Variants in CELF2 observed in about 807,000 individuals in gnomAD.
CELF2 encodes the protein CUGBP Elav-like family member 2, also known as CUG triplet repeat RNA-binding protein 2.
Under a neutral mutation model 62.6 loss-of-function variants are expected in CELF2, and 8 were observed. That is an observed-to-expected ratio of 0.13 (90% CI 0.07 to 0.23). CELF2 has a LOEUF of 0.23. Ranked by LOEUF, CELF2 falls within the 10% of genes least tolerant of loss-of-function variation. The probability of loss-of-function intolerance (pLI) is 1.00; values close to 1 mark genes in which losing one functional copy is unlikely to be tolerated. For missense variants in CELF2, 333 were observed against 671.0 expected (o/e 0.50, Z 5.56); for synonymous variants, 258 against 250.0 (o/e 1.03, Z -0.30).
the CELF2 span, among the ~76,000 whole-genome samples, chr10:10,656,125 C>T: frequency 6.9e-6 from 1 of 145,652 alleles, no homozygotes; most frequent in Admixed American, 6.8e-5. Flanking sequence ...AAAAAATGCT[C>T]ATCATCACTG....
the CELF2 span, among the ~76,000 whole-genome samples, chr10:10,521,320 G>A: frequency 7.9e-5 from 12 of 152,270 alleles, no homozygotes; most frequent in African/African-American, 2.2e-4. Flanking sequence ...CAGTAAATAT[G>A]TCAGGCACTT....
the CELF2 span, among the ~76,000 whole-genome samples, chr10:10,518,717 ATTTTT>A: frequency 1.5e-3 from 220 of 145,988 alleles, 1 homozygote; most frequent in East Asian, 0.018. Flanking sequence ...CCACAAAATG[ATTTTT>A]TTTTAAAAAA....
In CELF2 at chr10:11,255,937, C is replaced by T. The variant is rs1374219992; in HGVS notation, c.404-1801C>T. Among the ~76,000 whole-genome samples, 2 of 152,198 alleles carry T rather than the reference C, an allele frequency of 1.3e-5. No individual in the cohort carries two copies. Among genetic ancestry groups the T allele is most frequent in the East Asian group, 3.9e-4 (2 of 5,188 alleles). On this transcript the variant is annotated intron_variant, in intron 4 of 12. Transcript: ENST00000633077. The surrounding 1 kb of genome is among the most constrained non-coding windows in gnomAD (Gnocchi z 5.5). ...TCTCCTCCTCTGAACTTGGAGGAGA[C>T]ACAGCAGGGGAAGGAATCCTTGGCT...
chr10:10,862,177 G>A (rs2133140243), intron 1 of CELF2, among the ~76,000 whole-genome samples: 1 of 152,254 alleles, frequency 6.6e-6, no homozygotes, highest in African/African-American at 2.4e-5. Flanking sequence ...ATGTGTCTTG[G>A]TTACTGGCTG....
intron 1 of CELF2, among the ~76,000 whole-genome samples, chr10:11,084,868 T>C (rs1431878253): frequency 6.6e-6 from 1 of 152,184 alleles, no homozygotes; most frequent in African/African-American, 2.4e-5. Context: ...GCTAAGGTCA[T>C]CAGTATATAC....
At chr10:11,201,839 G>A (rs186952928) in intron 2 of CELF2, among the ~76,000 whole-genome samples, 1 of 152,294 alleles carries the variant, frequency 6.6e-6, no homozygotes, top group Admixed American at 6.5e-5. Flanking sequence ...ATCATCTTCA[G>A]GAACATTTGG....
At chr10:10,900,717 G>A (rs1445679592) in intron 1 of CELF2, among the ~76,000 whole-genome samples, 4 of 151,862 alleles carry the variant, frequency 2.6e-5, no homozygotes, top group Non-Finnish European at 5.9e-5. Context: ...TAGCCAGCGC[G>A]GTCAGAAAGA....
Position 11,217,582 on chromosome 10 carries a change from T to C in CELF2, c.354+75T>C. 8.6e-7 allele frequency: 1 copy of C among 1,158,766 alleles called. No individual in the cohort carries two copies. The highest frequency in any genetic ancestry group is 1.3e-6 in the Non-Finnish European group (1 of 786,168). 71.8% of individuals were successfully genotyped at this position (1,158,766 alleles called of 1,614,324 possible). ...TCCTTTCAACTGAAGGTTCTAGTTATGGGCTCTTAGTGCCAAAAATGACTT... is the reference window on the plus strand; with the variant it reads ...TCCTTTCAACTGAAGGTTCTAGTTACGGGCTCTTAGTGCCAAAAATGACTT... On this transcript the variant is annotated intron_variant, in intron 3 of 12. Coordinates refer to ENST00000633077, the MANE Select transcript of CELF2 (RefSeq NM_001326342.2). This position sits in a 1 kb window ranked among gnomAD's most constrained non-coding sequence, Gnocchi z 5.6.
chr10:10,772,426 A>G, the CELF2 span, among the ~76,000 whole-genome samples: 1 of 152,250 alleles, frequency 6.6e-6, no homozygotes, highest in Non-Finnish European at 1.5e-5. Flanking sequence ...AATGTTTAAA[A>G]TTACATGAAG....
At chr10:10,735,015 A>C in the CELF2 span, among the ~76,000 whole-genome samples, 1 of 152,192 alleles carries the variant, frequency 6.6e-6, no homozygotes, top group Non-Finnish European at 1.5e-5. Context: ...TTTTCCTGCC[A>C]GTTGTTAGGG....
the CELF2 span, among the ~76,000 whole-genome samples, chr10:10,653,912 C>T: frequency 6.6e-6 from 1 of 151,894 alleles, no homozygotes; most frequent in African/African-American, 2.4e-5. Flanking sequence ...CCCTTCAAAA[C>T]ATCAATGAAT....
At chr10:10,518,401 A>G in the CELF2 span, among the ~76,000 whole-genome samples, 58 of 152,318 alleles carry the variant, frequency 3.8e-4, no homozygotes, top group African/African-American at 1.4e-3. Flanking sequence ...AGTAGATGGC[A>G]GGAGATTGTA....
chr10:10,574,567 G>A, the CELF2 span, among the ~76,000 whole-genome samples: 1 of 152,042 alleles, frequency 6.6e-6, no homozygotes, highest in Non-Finnish European at 1.5e-5. Flanking sequence ...AAAAAGTATG[G>A]GTCTTCTCAT....
At chr10:10,880,105 G>T (rs7098339) in intron 1 of CELF2, among the ~76,000 whole-genome samples, 89,392 of 152,034 alleles carry the variant, frequency 0.59, 26,565 homozygotes, top group East Asian at 0.75. Flanking sequence ...AGCATAAATC[G>T]TAAGTCTAGG....
rs2065743985 is a variant in CELF2 at position 10,928,365 on chromosome 10, T to C, written c.89+8366T>C. Among the ~76,000 whole-genome samples, 1 of 152,194 alleles carries C rather than the reference T, an allele frequency of 6.6e-6. No homozygotes were observed. Among genetic ancestry groups the C allele is most frequent in the South Asian group, 2.1e-4 (1 of 4,828 alleles). ...TCTTTGTATGTGTTCTTCCTTCTAT[T>C]TGAAAGCCCAGTGTCATCTCTCTGC... is the stretch of plus-strand genomic sequence containing the variant. On this transcript the variant is annotated intron_variant, in intron 2 of 13. Transcript: ENST00000636488. This position sits in a 1 kb window ranked among gnomAD's most constrained non-coding sequence, Gnocchi z 4.8.
chr10:10,826,954 G>A (rs1243231772), intron 1 of CELF2, among the ~76,000 whole-genome samples: 2 of 152,138 alleles, frequency 1.3e-5, no homozygotes, highest in African/African-American at 2.4e-5. Flanking sequence ...TAACTGGTTG[G>A]GAATAAAATG....
rs1427018134 is a variant in CELF2 at position 10,983,948 on chromosome 10, G to A, written c.89+63949G>A. ...ATTGCAATTTGCATGTAACCTCTGA[G>A]TCAACTACTGAACTATTAAGTTGCG... is the stretch of plus-strand genomic sequence containing the variant. On this transcript the variant is annotated intron_variant, in intron 2 of 13. Transcript: ENST00000636488. The surrounding 1 kb of genome is among the most constrained non-coding windows in gnomAD (Gnocchi z 5.2). Among the ~76,000 whole-genome samples, 1 of 152,216 alleles carries A rather than the reference G, an allele frequency of 6.6e-6. No homozygotes were observed. The highest frequency in any genetic ancestry group is 1.5e-5 in the Non-Finnish European group (1 of 68,046).
chr10:10,966,646 G>C lies in CELF2; in HGVS notation c.89+46647G>C, dbSNP rs530158793. ...TCTGGAGGAAATCTAAATGCCTGGA[G>C]CTGAGCAGGTGTTTCATGTCGAGAA... On this transcript the variant is annotated intron_variant, in intron 2 of 13. Transcript: ENST00000636488. 2.6e-5 allele frequency: 4 copies of C among 152,386 alleles called. No individual in the cohort carries two copies. In the South Asian group the frequency reaches 8.3e-4, roughly 32 times the overall value. 9.4% of individuals were successfully genotyped at this position (152,386 alleles called of 1,614,324 possible).
chr10:11,286,290 G>A (rs2139546789), intron 8 of CELF2, among the ~76,000 whole-genome samples: 1 of 152,330 alleles, frequency 6.6e-6, no homozygotes, highest in South Asian at 2.1e-4. Context: ...TAGAATGGTG[G>A]CTCTGCCTGT....
Sources: gnomAD v4.1 joint callset for allele counts (sites outside exome capture counted in the v4.1 genomes callset) on GRCh38, gnomAD v4.1.1 for gene constraint, Gnocchi (gnomAD v3.1) non-coding constraint, MANE v1.5 for transcripts, NCBI Gene and HGNC (gene_info 2026-07-23, HGNC 2026-07-21) for gene names.